Variants in ALK observed in about 807,000 individuals in gnomAD.
ALK encodes ALK tyrosine kinase receptor.
Under a neutral mutation model 163.1 loss-of-function variants are expected in ALK, and 74 were observed. The ratio of observed to expected loss-of-function variants is 0.45; its 90% CI spans 0.38 to 0.55. The LOEUF (loss-of-function observed/expected upper bound fraction) is 0.55, where lower values mean the gene tolerates loss of function less well. Among genes scored for constraint, ALK ranks in the 20% least tolerant of loss-of-function variants. The probability of loss-of-function intolerance (pLI) is 0.00; values close to 1 mark genes in which losing one functional copy is unlikely to be tolerated. For missense variants in ALK, 2,063 were observed against 2,105.3 expected (o/e 0.98, Z 0.39); for synonymous variants, 960 against 843.2 (o/e 1.14, Z -2.40).
At chr2:29,222,923 C>T (rs10174804) in intron 20 of ALK, among the ~76,000 whole-genome samples, 13 of 152,128 alleles carry the variant, frequency 8.5e-5, no homozygotes, top group Admixed American at 7.2e-4. Flanking sequence ...GGCTTTTCCC[C>T]GGGGGAGGTT....
At chr2:29,517,511 T>C (rs1672704096) in intron 4 of ALK, among the ~76,000 whole-genome samples, 1 of 152,124 alleles carries the variant, frequency 6.6e-6, no homozygotes. Context: ...GGATGCCAGA[T>C]AGAATAATTT....
At chr2:29,678,078 G>A (rs565248800) in intron 3 of ALK, among the ~76,000 whole-genome samples, 2 of 152,058 alleles carry the variant, frequency 1.3e-5, no homozygotes, top group South Asian at 2.1e-4. Context: ...TATCTAAGGT[G>A]TCATATATTG....
rs1172839910 is a variant in ALK at position 29,251,239 on chromosome 2, G to C, written c.2070C>G (p.Ala690=). 6.2e-7 allele frequency: 1 copy of C among 1,613,952 alleles called. No individual in the cohort carries two copies. Among genetic ancestry groups the C allele is most frequent in the Admixed American group, 1.7e-5 (1 of 60,020 alleles). ...CCTGGGTGGGGCCATGGGGCCCGCTGGCCCCACATGTGGTGAACAGCCAAT... is the reference window on the plus strand; with the variant it reads ...CCTGGGTGGGGCCATGGGGCCCGCTCGCCCCACATGTGGTGAACAGCCAAT... The part of the protein sequence containing the change: ...TVHWLFTTCG[A]SGPHGPTQAQ... The change falls in exon 12 of 29, where the codon GCC becomes GCG. Residue 690 remains alanine (A), a synonymous_variant. Coordinates refer to ENST00000389048, the MANE Select transcript of ALK (RefSeq NM_004304.5).
intron 15 of ALK, among the ~76,000 whole-genome samples, chr2:29,229,667 A>T (rs1009235509): frequency 1.3e-5 from 2 of 152,128 alleles, no homozygotes; most frequent in African/African-American, 4.8e-5. Flanking sequence ...GACCCACCTG[A>T]TGGGGTTGAT....
chr2:29,871,374 G>A (rs35338623), intron 1 of ALK, among the ~76,000 whole-genome samples: 34,297 of 152,098 alleles, frequency 0.23, 4,834 homozygotes, highest in Non-Finnish European at 0.32. Flanking sequence ...GTCCTGGAAA[G>A]GCTTCATTGG....
At chr2:29,672,148 G>A (rs575183109) in intron 3 of ALK, among the ~76,000 whole-genome samples, 4 of 148,430 alleles carry the variant, frequency 2.7e-5, no homozygotes, top group Non-Finnish European at 6.0e-5. Context: ...ACCTTCTGCA[G>A]GAAATATACA....
intron 1 of ALK, among the ~76,000 whole-genome samples, chr2:29,865,169 T>C (rs879880213): frequency 1.3e-5 from 2 of 152,228 alleles, no homozygotes; most frequent in Non-Finnish European, 2.9e-5. Context: ...TCAGGTGACC[T>C]GCTCTGGGCA....
rs1267237414 is a variant in ALK, at chr2:29,797,000, C to A, written c.668-79303G>T. Among the ~76,000 whole-genome samples, 5 of 144,596 alleles carry A rather than the reference C, an allele frequency of 3.5e-5. No individual in the cohort carries two copies. The South Asian group carries it at 6.8e-4, about 20-fold the overall frequency. 94.9% of individuals were successfully genotyped at this position (144,596 alleles called of 152,430 possible). A position where few individuals can be genotyped will look rare whatever the true frequency, so the allele number is the denominator to read the frequency against. ...TACATACACATATATGCACGCACAC[C>A]CACACACACACACACACACACACAC... On this transcript the variant is annotated intron_variant, in intron 1 of 28. Coordinates refer to ENST00000389048, the MANE Select transcript of ALK (RefSeq NM_004304.5).
chr2:29,757,415 C>A (rs777186213), intron 1 of ALK, among the ~76,000 whole-genome samples: 3 of 152,154 alleles, frequency 2.0e-5, no homozygotes, highest in African/African-American at 4.8e-5. Context: ...GAGATACGAA[C>A]CCAGGCAGTG....
intron 4 of ALK, among the ~76,000 whole-genome samples, chr2:29,402,100 T>C (rs1183950260): frequency 5.3e-5 from 8 of 152,212 alleles, no homozygotes; most frequent in Non-Finnish European, 1.2e-4. Context: ...AGGCAGACTT[T>C]GGCAGCGGGT....
chr2:29,701,041 A>T (rs1394377439), intron 2 of ALK, among the ~76,000 whole-genome samples: 1 of 152,180 alleles, frequency 6.6e-6, no homozygotes, highest in Admixed American at 6.5e-5. Flanking sequence ...AGGCCGAGAC[A>T]CTCAAGGAGA....
chr2:29,734,468 A>G lies in ALK; in HGVS notation c.668-16771T>C, dbSNP rs372366553. Among the ~76,000 whole-genome samples the G allele has an allele frequency of 3.9e-5, 6 of 152,336 alleles. No individual in the cohort carries two copies. The East Asian group carries it at 7.7e-4, about 20-fold the overall frequency. ...ATGGCACGGAAGCCTTTAGAAATAT[A>G]CATCGACCAGAGGGAGACAAAACTA... On this transcript the variant is annotated intron_variant, in intron 1 of 28. Transcript: ENST00000389048.
At chr2:29,358,495 T>C (rs1454596226) in intron 5 of ALK, among the ~76,000 whole-genome samples, 1 of 152,192 alleles carries the variant, frequency 6.6e-6, no homozygotes, top group Non-Finnish European at 1.5e-5. Flanking sequence ...CTTGTTTGTC[T>C]CCAAATAAGA....
intron 11 of ALK, among the ~76,000 whole-genome samples, chr2:29,272,521 GA>G (rs1665419440): frequency 6.6e-6 from 1 of 152,160 alleles, no homozygotes; most frequent in East Asian, 1.9e-4. Context: ...CTGCTGTGGG[GA>G]GTGAGGAATG....
chr2:29,799,110 C>G (rs1664397476), intron 1 of ALK, among the ~76,000 whole-genome samples: 1 of 152,224 alleles, frequency 6.6e-6, no homozygotes, highest in Non-Finnish European at 1.5e-5. Context: ...GCCACAGCTG[C>G]ACCAGCTAGA....
intron 3 of ALK, among the ~76,000 whole-genome samples, chr2:29,691,899 C>T (rs1453432431): frequency 6.6e-6 from 1 of 152,192 alleles, no homozygotes; most frequent in Non-Finnish European, 1.5e-5. Context: ...ACAATTTCCA[C>T]TTGTCCCTGT....
intron 18 of ALK, among the ~76,000 whole-genome samples, chr2:29,226,350 C>T (rs545088797): frequency 4.6e-5 from 7 of 151,724 alleles, no homozygotes; most frequent in East Asian, 1.9e-4. Flanking sequence ...TGGTGGTGGG[C>T]GCCTGTAGTC....
intron 5 of ALK, among the ~76,000 whole-genome samples, chr2:29,352,420 A>G (rs1050863737): frequency 1.3e-5 from 2 of 152,230 alleles, no homozygotes; most frequent in African/African-American, 4.8e-5. Context: ...TGCCCTGTGT[A>G]GGCCACGGCT....
intron 4 of ALK, among the ~76,000 whole-genome samples, chr2:29,427,895 TA>T (rs1670184429): frequency 6.6e-6 from 1 of 152,066 alleles, no homozygotes; most frequent in Non-Finnish European, 1.5e-5. Flanking sequence ...CAAGGCTCAA[TA>T]CATTTAAAAG....
Sources: allele counts gnomAD v4.1 joint callset (sites outside exome capture counted in the v4.1 genomes callset), GRCh38; gene constraint gnomAD v4.1.1; transcripts MANE v1.5; gene names NCBI Gene and HGNC (gene_info 2026-07-23, HGNC 2026-07-21).